Variants in PLXNB3 observed in about 807,000 individuals in gnomAD.
The protein encoded by PLXNB3 is plexin B3, also known as plexin-B3.
In PLXNB3, 80 loss-of-function variants were observed where a neutral mutation model predicts 125.7. That is an observed-to-expected ratio of 0.64 (90% CI 0.53 to 0.77). The LOEUF (loss-of-function observed/expected upper bound fraction) is 0.77, where lower values mean the gene tolerates loss of function less well. Ranked by LOEUF, PLXNB3 falls within the 30% of genes least tolerant of loss-of-function variation. PLXNB3 has a pLI of 0.00. For synonymous variants in PLXNB3, 954 were observed against 783.3 expected (o/e 1.22, Z -3.64); for missense variants, 1,836 against 1,729.3 (o/e 1.06, Z -1.09).
Position 153,765,487 on chromosome X carries a change from A to T in PLXNB3, c.-49A>T. 1 of 1,164,441 alleles carries T rather than the reference A, an allele frequency of 8.6e-7. No homozygotes were observed. The highest frequency in any genetic ancestry group is 1.2e-6 in the Non-Finnish European group (1 of 868,158). On this transcript the variant is annotated 5_prime_UTR_variant, in exon 2 of 36. Transcript: ENST00000361971. ...CCCACTCAGGACAATGCCCCCCCGC[A>T]GCCATCTCATGCCCATCGCCACTGC...
rs1236683404 is a variant in PLXNB3, at chrX:153,771,240, G to A, written c.2254-70G>A. 4.2e-6 allele frequency: 4 copies of A among 962,623 alleles called. No homozygotes were observed. In the Admixed American group the frequency reaches 6.6e-5, roughly 16 times the overall value. 79.3% of individuals were successfully genotyped at this position (962,623 alleles called of 1,213,427 possible). On this transcript the variant is annotated intron_variant, in intron 12 of 35. Transcript: ENST00000361971. ...AACAATCACATTCATTCTGGGGGGT[G>A]GCCCAGAGGAGACAAGAGTCAGAGG...
rs868907205 is a variant in PLXNB3, at chrX:153,768,253, C to T, written c.1091C>T (p.Ser364Phe). 3 of 1,185,562 alleles carry T rather than the reference C, an allele frequency of 2.5e-6. No homozygotes were observed. Among genetic ancestry groups the T allele is most frequent in the Non-Finnish European group, 2.3e-6 (2 of 876,955 alleles). ...TSRCVTLPLDSPESYPCGDEH... is the reference protein window; with the variant it reads ...TSRCVTLPLDFPESYPCGDEH... Reference sequence around the variant, plus strand: ...TCTCCACTTCCTGCCACGTAGGATTCCCCCGAGTCGTACCCCTGTGGCGAC... The same window carrying T: ...TCTCCACTTCCTGCCACGTAGGATTTCCCCGAGTCGTACCCCTGTGGCGAC... The change falls in exon 4 of 36, where the codon TCC (serine) becomes TTC (phenylalanine). Residue 364 changes from serine to phenylalanine, a missense_variant. Transcript: ENST00000361971.
Position 153,769,792 on chromosome X carries a change from A to AC in PLXNB3, c.1497-11dup. Reference sequence around the variant, plus strand: ...TAGGACCCCCACGGTGACCTGATGGACCCCTGCCTGGCAGGTGTACCCGGA... The same window carrying AC: ...TAGGACCCCCACGGTGACCTGATGGACCCCCTGCCTGGCAGGTGTACCCGGA... On this transcript the variant is annotated splice_polypyrimidine_tract_variant and intron_variant, in intron 6 of 35. Transcript: ENST00000361971. The AC allele has an allele frequency of 8.3e-7, 1 of 1,200,238 alleles. No individual in the cohort carries two copies.
chrX:153,767,788 G>A lies in PLXNB3; in HGVS notation c.961G>A (p.Glu321Lys), dbSNP rs2091875313. Residue 321 changes from glutamate to lysine, a missense_variant, in exon 3 of 36, where the codon GAG (glutamate) becomes AAG (lysine). Glu to Lys is a moderately conservative substitution (Grantham distance 56). Coordinates refer to ENST00000361971, the MANE Select transcript of PLXNB3 (RefSeq NM_005393.3). ...QAALCAFPMV[E>K]LGASMEQARR... is the part of the protein sequence containing the mutation. ...GGCGCTCTGTGCCTTCCCCATGGTG[G>A]AGCTGGGTGCCAGCATGGAGCAGGC... The A allele has an allele frequency of 8.5e-7, 1 of 1,169,802 alleles. No homozygotes were observed. Among genetic ancestry groups the A allele is most frequent in the Middle Eastern group, 2.5e-4 (1 of 4,070 alleles).
chrX:153,771,573 A>T lies in PLXNB3; in HGVS notation c.2435A>T (p.Asp812Val), dbSNP rs1423968200. 5.0e-6 allele frequency: 6 copies of T among 1,207,738 alleles called. No individual in the cohort carries two copies. The highest frequency in any genetic ancestry group is 2.2e-6 in the Non-Finnish European group (2 of 894,442). Reference protein sequence around the residue: ...NRSLGCLWCADGQPACRYGPL... With the variant: ...NRSLGCLWCAVGQPACRYGPL... ...AGCCTGGGCTGCCTGTGGTGTGCTG[A>T]CGGCCAGCCTGCCTGTCGCTATGGG... The change falls in exon 14 of 36, where the codon GAC becomes GTC. Residue 812 changes from aspartate to valine, a missense_variant. Coordinates refer to ENST00000361971, the MANE Select transcript of PLXNB3 (RefSeq NM_005393.3).
At position 153,775,359 on chromosome X, in the gene PLXNB3, G is replaced by C. The variant is rs1370871317; in HGVS notation, c.4290G>C (p.Leu1430=). The C allele has an allele frequency of 1.2e-5, 15 of 1,208,959 alleles. No individual in the cohort carries two copies. Among genetic ancestry groups the C allele is most frequent in the Non-Finnish European group, 1.6e-5 (14 of 894,729 alleles). ...TDIMRTLLGD[L]AAHYVHRNPK... ...TCATGAGGACCCTGCTGGGTGACCT[G>C]GCGGCCCATTACGTGCACAGGAACC... is the stretch of plus-strand genomic sequence containing the variant. The change falls in exon 25 of 36, where the codon CTG becomes CTC. Residue 1430 remains leucine, a synonymous_variant. Coordinates refer to ENST00000361971, the MANE Select transcript of PLXNB3 (RefSeq NM_005393.3).
chrX:153,777,709 C>G (rs781892641), intron 31 of PLXNB3, 21 bp downstream of exon 31: 11 of 1,203,033 alleles, frequency 9.1e-6, no homozygotes, highest in South Asian at 7.1e-5. Flanking sequence ...TGCTGCCCCA[C>G]CCCTGCTGTG....
rs782174419 is a variant in PLXNB3, at chrX:153,770,960, C to T, written c.2137-5C>T. On this transcript the variant is annotated splice_region_variant and splice_polypyrimidine_tract_variant and intron_variant, in intron 11 of 35. Transcript: ENST00000361971. ...GTCCACACTCCTGACAGCGTCCTTC[C>T]CCAGGGCCTGCCTGCCTCCTTCCAC... The T allele has an allele frequency of 8.3e-7, 1 of 1,209,248 alleles. No homozygotes were observed. Among genetic ancestry groups the T allele is most frequent in the African/African-American group, 1.7e-5 (1 of 57,703 alleles).
rs782815431 is a variant in PLXNB3, at chrX:153,770,646, G to A, written c.2010+4G>A. ...GACCATCTACAGCGCCCAGGAGGTGGGTGGGCCCGAACTTCGGGCAGAGAC... is the reference window on the plus strand; with the variant it reads ...GACCATCTACAGCGCCCAGGAGGTGAGTGGGCCCGAACTTCGGGCAGAGAC... On this transcript the variant is annotated splice_donor_region_variant and intron_variant, in intron 10 of 35. Coordinates refer to ENST00000361971, the MANE Select transcript of PLXNB3 (RefSeq NM_005393.3). 2 of 1,208,932 alleles carry A rather than the reference G, an allele frequency of 1.7e-6. No homozygotes were observed. Among genetic ancestry groups the A allele is most frequent in the African/African-American group, 1.7e-5 (1 of 58,070 alleles).
chrX:153,772,687 C>G (rs782629084), intron 16 of PLXNB3, 199 bp from the exon 17 acceptor site: 74 of 1,018,352 alleles, frequency 7.3e-5, no homozygotes, highest in Non-Finnish European at 7.5e-6. Context: ...ACTTCTACTC[C>G]CCATGCGGCA....
chrX:153,773,299 G>A lies in PLXNB3; in HGVS notation c.2976G>A (p.Ala992=), dbSNP rs782112625. ...TRPQAAPGEA[A]VLVVFGHAQR... is the part of the protein sequence containing the mutation. ...CCCAGGCTGCCCCAGGAGAAGCAGC[G>A]GTCCTTGTGGTCTTTGGCCATGCCC... The change falls in exon 18 of 36, where the codon GCG becomes GCA. Residue 992 remains alanine, a synonymous_variant. Coordinates refer to ENST00000361971, the MANE Select transcript of PLXNB3 (RefSeq NM_005393.3). The A allele has an allele frequency of 1.4e-5, 17 of 1,208,700 alleles. No homozygotes were observed. The highest frequency in any genetic ancestry group is 1.1e-4 in the Admixed American group (5 of 45,935).
chrX:153,777,234 G>T lies in PLXNB3; in HGVS notation c.4954G>T (p.Glu1652Ter). Residue 1652 changes from glutamate to a stop codon, truncating the protein, a stop_gained, in exon 30 of 36, where the codon GAG becomes TAG. Coordinates refer to ENST00000361971, the MANE Select transcript of PLXNB3 (RefSeq NM_005393.3). LOFTEE classifies it high-confidence loss of function. Reference protein sequence around the residue: ...ENIPTLEDGEEGGVCLWHLVK... With the variant: ...ENIPTLEDGE The stretch of plus-strand genomic sequence containing the variant: ...CATACCCACGCTGGAGGATGGCGAG[G>T]AGGGGGGGGTGTGCCTCTGGCACCT... 8.5e-7 allele frequency: 1 copy of T among 1,170,068 alleles called. No individual in the cohort carries two copies. The highest frequency in any genetic ancestry group is 1.9e-5 in the South Asian group (1 of 52,542).
At chrX:153,771,217 C>T in intron 12 of PLXNB3, 93 bp from the exon 13 acceptor site, 1 of 934,819 alleles carries the variant, frequency 1.1e-6, no homozygotes, top group South Asian at 2.0e-5. Flanking sequence ...AGGCAGGGAA[C>T]AATCACATTC....
Position 153,768,447 on chromosome X carries a change from T to G in PLXNB3, c.1266+19T>G. 8.5e-7 allele frequency: 1 copy of G among 1,175,606 alleles called. No homozygotes were observed. On this transcript the variant is annotated intron_variant, in intron 4 of 35. Transcript: ENST00000361971. ...GTACAAGGTGAGGGCCCGGCCTTGC[T>G]GTCCGGCTGGGTGTGCCCCTGGCCA...
At chrX:153,778,766 G>T in intron 35 of PLXNB3, 92 bp downstream of exon 35, 2 of 1,123,393 alleles carry the variant, frequency 1.8e-6, no homozygotes, top group Non-Finnish European at 2.4e-6. Context: ...CCATGCTGGC[G>T]GGGCCCAGGC....
Position 153,770,443 on chromosome X carries a change from C to T in PLXNB3, c.1892C>T (p.Ala631Val). The change falls in exon 9 of 36, where the codon GCC (alanine) becomes GTC (valine). Residue 631 changes from alanine (A) to valine (V), a missense_variant. Physicochemically the swap from Ala to Val is moderately conservative, Grantham distance 64. Transcript: ENST00000361971. ...CSAVQALEAA[A>V]PCRACVGSIW... Reference sequence around the variant, plus strand: ...GCCGTCCAGGCCTTGGAGGCGGCTGCCCCGTGAGTCCCTGGGCCTGCCTCC... The same window carrying T: ...GCCGTCCAGGCCTTGGAGGCGGCTGTCCCGTGAGTCCCTGGGCCTGCCTCC... 1 of 1,205,322 alleles carries T rather than the reference C, an allele frequency of 8.3e-7. No individual in the cohort carries two copies. Among genetic ancestry groups the T allele is most frequent in the Non-Finnish European group, 1.1e-6 (1 of 890,650 alleles).
At position 153,777,241 on chromosome X, in the gene PLXNB3, G is replaced by C. The variant is rs782790314; in HGVS notation, c.4961G>C (p.Gly1654Ala). The C allele has an allele frequency of 5.9e-6, 7 of 1,177,157 alleles. No homozygotes were observed. Among genetic ancestry groups the C allele is most frequent in the Non-Finnish European group, 8.0e-6 (7 of 877,194 alleles). Reference sequence around the variant, plus strand: ...ACGCTGGAGGATGGCGAGGAGGGGGGGGTGTGCCTCTGGCACCTGGTGAAA... The same window carrying C: ...ACGCTGGAGGATGGCGAGGAGGGGGCGGTGTGCCTCTGGCACCTGGTGAAA... ...IPTLEDGEEGGVCLWHLVKAT... is the reference protein window; with the variant it reads ...IPTLEDGEEGAVCLWHLVKAT... The change falls in exon 30 of 36, where the codon GGG (glycine) becomes GCG (alanine). Residue 1654 changes from glycine to alanine, a missense_variant. Transcript: ENST00000361971.
Position 153,773,609 on chromosome X carries a change from C to G in PLXNB3, c.3175C>G (p.Gln1059Glu), listed in dbSNP as rs782224778. 33 of 1,203,835 alleles carry G rather than the reference C, an allele frequency of 2.7e-5. No individual in the cohort carries two copies. The highest frequency in any genetic ancestry group is 3.5e-5 in the African/African-American group (2 of 57,299). ...SVWLEADAEV[Q>E]ASRAQPQDPQ... ...GTGGCTGGAGGCTGACGCAGAGGTG[C>G]AGGCTTCCAGGGCCCAGCCCCAGGA... is the stretch of plus-strand genomic sequence containing the variant. The change falls in exon 19 of 36, where the codon CAG (glutamine) becomes GAG (glutamate). Residue 1059 changes from glutamine (Q) to glutamate (E), a missense_variant. Physicochemically the swap from Gln to Glu is conservative, Grantham distance 29. Transcript: ENST00000361971.
At chrX:153,772,070 A>C in intron 15 of PLXNB3, 55 bp downstream of exon 15, 3 of 1,156,310 alleles carry the variant, frequency 2.6e-6, no homozygotes, top group South Asian at 2.0e-5. Context: ...ATGGCCACCC[A>C]GAGATAAGGA....
Sources: gnomAD v4.1 joint callset for allele counts on GRCh38, gnomAD v4.1.1 for gene constraint, MANE v1.5 for transcripts, NCBI Gene and HGNC (gene_info 2026-07-23, HGNC 2026-07-21) for gene names.